The following EIPR1 variants were observed in gnomAD, a reference collection of about 807,000 sequenced individuals.
EIPR1 encodes the protein EARP complex and GARP complex interacting protein 1, also known as EARP and GARP complex-interacting protein 1.
Under a neutral mutation model 48.1 loss-of-function variants are expected in EIPR1, and 25 were observed. That is an observed-to-expected ratio of 0.52 (90% confidence interval 0.38 to 0.73). EIPR1 has a LOEUF of 0.73. Ranked by LOEUF, EIPR1 falls within the 30% of genes least tolerant of loss-of-function variation. The pLI is 0.00. For missense variants in EIPR1, 415 were observed against 506.2 expected (o/e 0.82, Z 1.73); for synonymous variants, 204 against 201.9 (o/e 1.01, Z -0.09).
chr2:3,373,911 T>G (rs1459556377), intron 1 of EIPR1, among the ~76,000 whole-genome samples: 5 of 148,344 alleles, frequency 3.4e-5, no homozygotes, highest in African/African-American at 1.2e-4. Context: ...AAAAGAGCCC[T>G]CATCGCCAAG....
At chr2:3,304,882 T>C (rs1474290679) in intron 3 of EIPR1, among the ~76,000 whole-genome samples, 1,764 of 47,464 alleles carry the variant, frequency 0.037, 9 homozygotes, top group African/African-American at 0.04. Flanking sequence ...CAGCCCTCCA[T>C]TCCCGTCCAG....
chr2:3,335,437 G>A (rs1198679968), intron 3 of EIPR1, among the ~76,000 whole-genome samples: 2 of 152,036 alleles, frequency 1.3e-5, no homozygotes, highest in Non-Finnish European at 2.9e-5. Context: ...GGCAGCTCCT[G>A]TTGTGCTGAG....
intron 3 of EIPR1, among the ~76,000 whole-genome samples, chr2:3,310,325 A>G (rs1669084343): frequency 6.6e-6 from 1 of 152,116 alleles, no homozygotes; most frequent in Non-Finnish European, 1.5e-5. Context: ...TTAGGGAGAG[A>G]AGAAATACCA....
chr2:3,235,462 A>ACACCC (rs34325654), intron 4 of EIPR1, among the ~76,000 whole-genome samples: 70 of 151,650 alleles, frequency 4.6e-4, no homozygotes, highest in East Asian at 1.9e-3. Context: ...ACACACACAC[A>ACACCC]CCCCCCAATA....
At chr2:3,200,418 C>T (rs1038575496) in intron 5 of EIPR1, among the ~76,000 whole-genome samples, 5 of 152,196 alleles carry the variant, frequency 3.3e-5, no homozygotes, top group Admixed American at 3.3e-4. Context: ...GCTCTACTGT[C>T]GTATGTGCCA....
Position 3,319,033 on chromosome 2 carries a change from T to C in EIPR1, c.259+18984A>G, listed in dbSNP as rs1051569207. ...AAATAGTTGGGTCCATAACATCTAA[T>C]TTTACTTCTAAAGACAGAAAGGAGA... is the stretch of plus-strand genomic sequence containing the variant. On this transcript the variant is annotated intron_variant, in intron 3 of 8. Coordinates refer to ENST00000382125, the MANE Select transcript of EIPR1 (RefSeq NM_003310.5). 8 of 453,710 alleles carry C rather than the reference T, an allele frequency of 1.8e-5. No individual in the cohort carries two copies. In the East Asian group the frequency reaches 5.7e-4, roughly 32 times the overall value. 28.1% of individuals were successfully genotyped at this position (453,710 alleles called of 1,614,324 possible).
intron 2 of EIPR1, among the ~76,000 whole-genome samples, chr2:3,349,512 C>T (rs1670503541): frequency 1.3e-5 from 2 of 152,250 alleles, no homozygotes. Context: ...AATACCACCA[C>T]AAGACGGGGA....
At chr2:3,240,429 A>G (rs1666570172) in intron 4 of EIPR1, among the ~76,000 whole-genome samples, 1 of 150,958 alleles carries the variant, frequency 6.6e-6, no homozygotes, top group Admixed American at 6.6e-5. Flanking sequence ...AAGCAAAGCC[A>G]GCAGATCCTT....
At chr2:3,197,896 G>A (rs561980783) in intron 5 of EIPR1, among the ~76,000 whole-genome samples, 7 of 152,302 alleles carry the variant, frequency 4.6e-5, no homozygotes, top group South Asian at 2.1e-4. Flanking sequence ...CTGGTGAGGC[G>A]GGCCTGGCCA....
chr2:3,292,468 C>A (rs1037370483), intron 3 of EIPR1, among the ~76,000 whole-genome samples: 1 of 152,184 alleles, frequency 6.6e-6, no homozygotes, highest in Non-Finnish European at 1.5e-5. Context: ...CGGGGACAGC[C>A]CCCCGTACCT....
chr2:3,223,389 A>G (rs1665959852), intron 4 of EIPR1, among the ~76,000 whole-genome samples: 2 of 152,098 alleles, frequency 1.3e-5, no homozygotes, highest in African/African-American at 2.4e-5. Flanking sequence ...CCTCCCACTC[A>G]TGGGAATATG....
chr2:3,283,137 T>G (rs1302544444), intron 3 of EIPR1, among the ~76,000 whole-genome samples: 2 of 152,202 alleles, frequency 1.3e-5, no homozygotes, highest in Non-Finnish European at 2.9e-5. Context: ...CTTGCCACTT[T>G]GAGGAATCAG....
At chr2:3,363,521 T>A (rs1050623551) in intron 1 of EIPR1, among the ~76,000 whole-genome samples, 3 of 151,834 alleles carry the variant, frequency 2.0e-5, no homozygotes, top group Non-Finnish European at 4.4e-5. Context: ...CAAGGTGAAA[T>A]CCCGTCTCTA....
intron 4 of EIPR1, among the ~76,000 whole-genome samples, chr2:3,236,784 A>G (rs893686495): frequency 1.4e-4 from 21 of 152,344 alleles, no homozygotes; most frequent in African/African-American, 4.8e-4. Context: ...ATGAGTGACC[A>G]GCCCCAAATT....
chr2:3,275,385 A>T (rs1235839395), intron 3 of EIPR1, among the ~76,000 whole-genome samples: 1 of 152,168 alleles, frequency 6.6e-6, no homozygotes, highest in African/African-American at 2.4e-5. Flanking sequence ...TAAAGCAAAA[A>T]TTGACAGAAC....
At chr2:3,217,328 G>C (rs565329790) in intron 4 of EIPR1, among the ~76,000 whole-genome samples, 2 of 152,188 alleles carry the variant, frequency 1.3e-5, no homozygotes, top group Non-Finnish European at 2.9e-5. Flanking sequence ...TCACCGCCAA[G>C]AATCACTGGG....
intron 2 of EIPR1, among the ~76,000 whole-genome samples, chr2:3,351,280 C>T (rs1480146953): frequency 2.0e-5 from 3 of 152,192 alleles, no homozygotes; most frequent in East Asian, 1.9e-4. Flanking sequence ...GGATTACATG[C>T]GTGAGCGACC....
intron 4 of EIPR1, 62 bp downstream of exon 4, chr2:3,257,213 GGCTCCTGCAAAGGAATCTGCACAA>G: frequency 2.8e-6 from 4 of 1,428,396 alleles, no homozygotes; most frequent in Non-Finnish European, 3.8e-6. Context: ...TGTGGACGGT[GGCTCCTGCAAAGGAATCTGCACAA>G]GCTCCTGCAC....
chr2:3,303,337 G>A (rs975655516), intron 3 of EIPR1, among the ~76,000 whole-genome samples: 1 of 152,238 alleles, frequency 6.6e-6, no homozygotes, highest in Non-Finnish European at 1.5e-5. Flanking sequence ...CCAGGGCCAT[G>A]GCCCAGCAGG....
Sources: gnomAD v4.1 joint callset for allele counts (sites outside exome capture counted in the v4.1 genomes callset) on GRCh38, gnomAD v4.1.1 for gene constraint, MANE v1.5 for transcripts, NCBI Gene and HGNC (gene_info 2026-07-23, HGNC 2026-07-21) for gene names.